KAT6B: variants seen among roughly 807,000 people sequenced by gnomAD.
KAT6B encodes histone acetyltransferase KAT6B.
KAT6B carries 10 observed loss-of-function variants against 187.5 expected under a neutral mutation model. The ratio of observed to expected loss-of-function variants is 0.05; its 90% CI spans 0.03 to 0.09. The LOEUF is 0.09. Ranked by LOEUF, KAT6B falls within the 10% of genes least tolerant of loss-of-function variation. The probability of loss-of-function intolerance (pLI) is 1.00; values close to 1 mark genes in which losing one functional copy is unlikely to be tolerated. For synonymous variants in KAT6B, 861 were observed against 926.8 expected (o/e 0.93, Z 1.29); for missense variants, 1,952 against 2,558.9 (o/e 0.76, Z 5.12).
chr10:74,831,084 C>G (rs185642018), intron 1 of KAT6B, among the ~76,000 whole-genome samples: 1 of 151,906 alleles, frequency 6.6e-6, no homozygotes, highest in Non-Finnish European at 1.5e-5. Context: ...CCTCTGCACC[C>G]GGCCAGCTCT....
At chr10:74,826,572 T>C (rs1044090303), upstream of KAT6B, 1 of 151,672 alleles carries the variant, frequency 6.6e-6, no homozygotes, top group Non-Finnish European at 1.5e-5. Flanking sequence ...GCGACTCGGG[T>C]TTAATGAGAC....
intron 13 of KAT6B, among the ~76,000 whole-genome samples, chr10:75,008,101 T>C (rs563694004): frequency 6.6e-6 from 1 of 152,272 alleles, no homozygotes; most frequent in East Asian, 1.9e-4. Flanking sequence ...AATTGAAGGG[T>C]TGTGCGTTAA....
chr10:74,858,683 TTTGGCTCA>T (rs1209196112), intron 3 of KAT6B, among the ~76,000 whole-genome samples: 9 of 152,240 alleles, frequency 5.9e-5, no homozygotes, highest in African/African-American at 2.2e-4. Flanking sequence ...AGATAGGCTC[TTTGGCTCA>T]TGCCTGTAAT....
chr10:74,884,457 C>G (rs1454853871), intron 3 of KAT6B, among the ~76,000 whole-genome samples: 1 of 152,206 alleles, frequency 6.6e-6, no homozygotes, highest in Non-Finnish European at 1.5e-5. Flanking sequence ...CCTACTTTAT[C>G]AGTGAGAGTG....
chr10:74,828,507 A>AT (rs761905174), intron 1 of KAT6B, among the ~76,000 whole-genome samples: 1 of 136,632 alleles, frequency 7.3e-6, no homozygotes, highest in Non-Finnish European at 1.6e-5. Flanking sequence ...TATACCCTAG[A>AT]TTTTTTGGCA....
At chr10:74,887,355 T>C (rs1322852336) in intron 3 of KAT6B, among the ~76,000 whole-genome samples, 3 of 152,014 alleles carry the variant, frequency 2.0e-5, no homozygotes, top group Middle Eastern at 3.4e-3. Context: ...TGAGATGGAG[T>C]CTTGCTCTGT....
intron 3 of KAT6B, among the ~76,000 whole-genome samples, chr10:74,954,204 T>C (rs912288208): frequency 1.3e-5 from 2 of 152,210 alleles, no homozygotes; most frequent in East Asian, 1.9e-4. Flanking sequence ...GGGCCTCTTA[T>C]TGCCTCAAGA....
intron 3 of KAT6B, among the ~76,000 whole-genome samples, chr10:74,944,780 G>A (rs1193493551): frequency 1.5e-5 from 2 of 129,926 alleles, no homozygotes; most frequent in Non-Finnish European, 3.1e-5. Flanking sequence ...CTGCACTCCA[G>A]CCCGGGCGAC....
intron 13 of KAT6B, among the ~76,000 whole-genome samples, chr10:75,008,679 A>G (rs561165024): frequency 1.3e-5 from 2 of 152,216 alleles, no homozygotes; most frequent in Admixed American, 6.5e-5. Context: ...AACTTGTAGA[A>G]CATAATGAAT....
At chr10:74,869,151 A>G (rs1441361327) in intron 3 of KAT6B, among the ~76,000 whole-genome samples, 1 of 152,172 alleles carries the variant, frequency 6.6e-6, no homozygotes, top group Non-Finnish European at 1.5e-5. Flanking sequence ...TTGCCACCTT[A>G]ATACAACCGT....
Position 74,839,382 on chromosome 10 carries a change from C to T in KAT6B, c.-259+630C>T, listed in dbSNP as rs553814835. On this transcript the variant is annotated intron_variant, in intron 2 of 17. Transcript: ENST00000287239. ...AGTAGCTGGGATTACAGGCGCATGC[C>T]ACCATGCTTGGCTAATTTTTTGTAT... 2.7e-4 allele frequency among the ~76,000 whole-genome samples: 41 copies of T among 151,902 alleles called. No individual in the cohort carries two copies. The South Asian group carries it at 8.1e-3, about 30-fold the overall frequency.
At chr10:74,945,577 C>A (rs1459014573) in intron 3 of KAT6B, among the ~76,000 whole-genome samples, 1 of 152,062 alleles carries the variant, frequency 6.6e-6, no homozygotes, top group Non-Finnish European at 1.5e-5. Flanking sequence ...ATTCTTCTGC[C>A]TCACCTGAGT....
intron 3 of KAT6B, among the ~76,000 whole-genome samples, chr10:74,911,336 T>G (rs1452931330): frequency 2.0e-5 from 3 of 151,506 alleles, no homozygotes; most frequent in Non-Finnish European, 4.4e-5. Context: ...AGTGGCGCAG[T>G]CTCAACTCAC....
At chr10:74,857,669 G>A (rs1473596235) in intron 3 of KAT6B, among the ~76,000 whole-genome samples, 1 of 152,118 alleles carries the variant, frequency 6.6e-6, no homozygotes, top group Non-Finnish European at 1.5e-5. Flanking sequence ...TTTGCATTGG[G>A]GGTTGCAAAT....
intron 3 of KAT6B, among the ~76,000 whole-genome samples, chr10:74,954,696 C>T (rs977826310): frequency 1.2e-4 from 18 of 152,160 alleles, no homozygotes; most frequent in Non-Finnish European, 2.6e-4. Context: ...TTTGCTTATA[C>T]TTTGTTTGAA....
chr10:74,949,803 A>G (rs1840194830), intron 3 of KAT6B, among the ~76,000 whole-genome samples: 1 of 152,230 alleles, frequency 6.6e-6, no homozygotes, highest in African/African-American at 2.4e-5. Context: ...TTAAATGAAA[A>G]AAGAAGCGAT....
At chr10:74,892,380 C>T (rs770250092) in intron 3 of KAT6B, among the ~76,000 whole-genome samples, 3 of 152,018 alleles carry the variant, frequency 2.0e-5, no homozygotes, top group Non-Finnish European at 2.9e-5. Flanking sequence ...ATAAAGGCAG[C>T]GACAGTTAGT....
chr10:75,000,570 G>A (rs1367253691), intron 13 of KAT6B, among the ~76,000 whole-genome samples: 2 of 152,084 alleles, frequency 1.3e-5, no homozygotes, highest in African/African-American at 4.8e-5. Context: ...ACAGACTTAC[G>A]TCTATAGTTT....
chr10:74,999,308 A>T lies in KAT6B; in HGVS notation c.2629+10196A>T, dbSNP rs377503430. ...TATGTAGCTTTCACTGTGCGTTTGG[A>T]TGTCTACGTGCACTTTGCACAGACT... On this transcript the variant is annotated intron_variant, in intron 13 of 17. Transcript: ENST00000287239. Among the ~76,000 whole-genome samples, 14 of 152,286 alleles carry T rather than the reference A, an allele frequency of 9.2e-5. No homozygotes were observed. In the East Asian group the frequency reaches 1.2e-3, roughly 13 times the overall value.
Sources: gnomAD v4.1 joint callset for allele counts (sites outside exome capture counted in the v4.1 genomes callset) on GRCh38, gnomAD v4.1.1 for gene constraint, MANE v1.5 for transcripts, NCBI Gene and HGNC (gene_info 2026-07-23, HGNC 2026-07-21) for gene names.